Variants in CYP4V2 observed in about 807,000 individuals in gnomAD.
CYP4V2 encodes the protein cytochrome P450 family 4 subfamily V member 2.
CYP4V2 carries 55 observed loss-of-function variants against 60.8 expected under a neutral mutation model. That is an observed-to-expected ratio of 0.90 (90% CI 0.73 to 1.13). The LOEUF (loss-of-function observed/expected upper bound fraction) is 1.13. Ranked by LOEUF, CYP4V2 falls within the 50% of genes most tolerant of loss-of-function variation. CYP4V2 has a pLI of 0.00. For missense variants in CYP4V2, 675 were observed against 662.9 expected (o/e 1.02, Z -0.20); for synonymous variants, 239 against 236.8 (o/e 1.01, Z -0.08).
At position 186,196,939 on chromosome 4, in the gene CYP4V2, G is replaced by A. The variant is rs767779208; in HGVS notation, c.414-1G>A. On this transcript the variant is annotated splice_acceptor_variant, in intron 3 of 10. Transcript: ENST00000378802. LOFTEE classifies it high-confidence loss of function. ...TTTGTAACCACATATTTTATTTCTA[G>A]TACTGGAAACAAATGGCGCTCCAGG... 7.2e-5 allele frequency: 116 copies of A among 1,612,158 alleles called. No individual in the cohort carries two copies. Among genetic ancestry groups the A allele is most frequent in the Non-Finnish European group, 2.7e-5 (32 of 1,179,850 alleles).
intron 7 of CYP4V2, chr4:186,202,074 G>C (rs1302988550): frequency 1.3e-5 from 2 of 152,260 alleles, no homozygotes; most frequent in African/African-American, 4.8e-5. Flanking sequence ...CTGCACTCTG[G>C]TGTGAGGCTC....
chr4:186,211,093 C>T lies in CYP4V2; in HGVS notation c.*452C>T, dbSNP rs564129543. 2.4e-4 allele frequency: 40 copies of T among 170,122 alleles called. No homozygotes were observed. The highest frequency in any genetic ancestry group is 5.3e-4 in the Admixed American group (9 of 17,120). The allele number at this position is 170,122 out of a possible 1,614,324, so 10.5% of individuals were successfully genotyped here. A position where few individuals can be genotyped will look rare whatever the true frequency, so the allele number is the denominator to read the frequency against. ...ACCTCAAGTGATCCACCTGCCTCAG[C>T]CTCCCAAAGTGCTGGGATTATAGTC... On this transcript the variant is annotated 3_prime_UTR_variant, in exon 11 of 11. Transcript: ENST00000378802.
At chr4:186,203,077 CAT>C (rs66502037) in intron 7 of CYP4V2, 55,874 of 130,744 alleles carry the variant, frequency 0.43, 10,551 homozygotes, top group Non-Finnish European at 0.49. Context: ...CACATGCACA[CAT>C]AAATGCACAC....
rs563327906 is a variant in CYP4V2, at chr4:186,205,606, T to A, written c.1090+304T>A. 1.7e-4 allele frequency among the ~76,000 whole-genome samples: 26 copies of A among 152,316 alleles called. No homozygotes were observed. The East Asian group carries it at 4.8e-3, about 28-fold the overall frequency. On this transcript the variant is annotated intron_variant, in intron 8 of 10. Transcript: ENST00000378802. ...TGCATTTGAGTGAAGAAGGTGCTAT[T>A]TGGGAGAAAGGAGGAGCTGGTGAAA...
rs1039045724 is a variant in CYP4V2 at position 186,191,755 on chromosome 4, C to T, written c.-69C>T. On this transcript the variant is annotated 5_prime_UTR_variant, in exon 1 of 11. Coordinates refer to ENST00000378802, the MANE Select transcript of CYP4V2 (RefSeq NM_207352.4). ...GGAAGTGGGCGGTGTGCGGCCGGCA[C>T]CGCCTCGCACCACGCCCCCGCGGGC... 93 of 1,328,196 alleles carry T rather than the reference C, an allele frequency of 7.0e-5. 1 individual carries two copies. Among genetic ancestry groups the T allele is most frequent in the Non-Finnish European group, 8.8e-5 (91 of 1,038,288 alleles). 82.3% of individuals were successfully genotyped at this position (1,328,196 alleles called of 1,614,324 possible).
Position 186,212,993 on chromosome 4 carries a change from A to T in CYP4V2, c.*2352A>T, listed in dbSNP as rs1406351039. The stretch of plus-strand genomic sequence containing the variant: ...CCTTCCAAGATGATTTTGGATAATA[A>T]AAGTTGTATTTGTGGAAATTGGTAT... On this transcript the variant is annotated 3_prime_UTR_variant, in exon 11 of 11. Coordinates refer to ENST00000378802, the MANE Select transcript of CYP4V2 (RefSeq NM_207352.4). 1 of 152,218 alleles carries T rather than the reference A, an allele frequency of 6.6e-6. No individual in the cohort carries two copies. Among genetic ancestry groups the T allele is most frequent in the Non-Finnish European group, 1.5e-5 (1 of 68,032 alleles). 9.4% of individuals were successfully genotyped at this position (152,218 alleles called of 1,614,324 possible). A position where few individuals can be genotyped will look rare whatever the true frequency, so the allele number is the denominator to read the frequency against.
At position 186,197,609 on chromosome 4, in the gene CYP4V2, G is replaced by T; in HGVS notation, c.674+7G>T. On this transcript the variant is annotated splice_region_variant and intron_variant, in intron 5 of 10. Transcript: ENST00000378802. The stretch of plus-strand genomic sequence containing the variant: ...ATGTCCGTGCAGTTTATAGGTAAAT[G>T]GAGTCCTTTCAGTTATTTTAACAAT... The T allele has an allele frequency of 6.2e-7, 1 of 1,613,652 alleles. No homozygotes were observed.
rs905470813 is a variant in CYP4V2 at position 186,205,073 on chromosome 4, T to C, written c.988-127T>C. On this transcript the variant is annotated intron_variant, in intron 7 of 10. Coordinates refer to ENST00000378802, the MANE Select transcript of CYP4V2 (RefSeq NM_207352.4). The stretch of plus-strand genomic sequence containing the variant: ...ACCGAGGCAAGGTGCTGCACAGAAT[T>C]CATTTCTTATGTTTGCAGTCACAGT... 7.5e-5 allele frequency: 67 copies of C among 897,856 alleles called. No homozygotes were observed. The African/African-American group carries it at 9.6e-4, about 13-fold the overall frequency. 55.6% of individuals were successfully genotyped at this position (897,856 alleles called of 1,614,324 possible). A position where few individuals can be genotyped will look rare whatever the true frequency, so the allele number is the denominator to read the frequency against.
At chr4:186,196,607 T>C in intron 3 of CYP4V2, 1 of 311,088 alleles carries the variant, frequency 3.2e-6, no homozygotes, top group South Asian at 3.6e-5. Context: ...GACTGAGGTA[T>C]TGATGGAAGG....
chr4:186,196,673 A>T (rs1736153568), intron 3 of CYP4V2: 1 of 409,390 alleles, frequency 2.4e-6, no homozygotes, highest in Non-Finnish European at 4.3e-6. Context: ...AAATTCTTAA[A>T]TTTTTCAATT....
chr4:186,192,999 A>G (rs565426815), intron 1 of CYP4V2, among the ~76,000 whole-genome samples: 2 of 152,202 alleles, frequency 1.3e-5, no homozygotes, highest in Non-Finnish European at 2.9e-5. Flanking sequence ...TCAACTTCAC[A>G]AGATGAGGCC....
In CYP4V2 at chr4:186,191,863, C is replaced by G. The variant is rs763159414; in HGVS notation, c.40C>G (p.Leu14Val). 8.8e-6 allele frequency: 14 copies of G among 1,585,232 alleles called. No homozygotes were observed. In the African/African-American group the frequency reaches 1.5e-4, roughly 17 times the overall value. ...LWLGLVWQKL[L>V]LWGAASALSL... Reference sequence around the variant, plus strand: ...GCTGGGGCTCGTGTGGCAGAAGCTGCTGCTGTGGGGCGCGGCGAGTGCCCT... The same window carrying G: ...GCTGGGGCTCGTGTGGCAGAAGCTGGTGCTGTGGGGCGCGGCGAGTGCCCT... The change falls in exon 1 of 11, where the codon CTG becomes GTG. Residue 14 changes from leucine (L) to valine (V), a missense_variant. Transcript: ENST00000378802.
chr4:186,201,276 T>C lies in CYP4V2; in HGVS notation c.921T>C (p.Thr307=). The change falls in exon 7 of 11, where the codon ACT becomes ACC. Residue 307 remains threonine (T), a synonymous_variant. Transcript: ENST00000378802. ...TTCTTGACTTGCTTTTAAGTGTGAC[T>C]GATGACGAAGGGAACAGGCTAAGTC... The part of the protein sequence containing the change: ...RAFLDLLLSV[T]DDEGNRLSHE... The C allele has an allele frequency of 6.2e-7, 1 of 1,614,168 alleles. No individual in the cohort carries two copies. Among genetic ancestry groups the C allele is most frequent in the Non-Finnish European group, 8.5e-7 (1 of 1,180,042 alleles).
At chr4:186,207,538 TAATATATAA>T (rs1484334677) in intron 8 of CYP4V2, among the ~76,000 whole-genome samples, 4 of 147,604 alleles carry the variant, frequency 2.7e-5, no homozygotes, top group South Asian at 2.1e-4. Context: ...AAAAATTATA[TAATATATAA>T]AATATATTAA....
At chr4:186,204,396 AAG>A (rs59350227) in intron 7 of CYP4V2, 39,918 of 104,624 alleles carry the variant, frequency 0.38, 10,583 homozygotes, top group African/African-American at 0.49. Flanking sequence ...ACGCTGGCGT[AAG>A]AGGTGGCGGT....
intron 5 of CYP4V2, among the ~76,000 whole-genome samples, chr4:186,198,037 C>A (rs1286374556): frequency 6.6e-6 from 1 of 152,020 alleles, no homozygotes; most frequent in African/African-American, 2.4e-5. Context: ...ATTCTTCTTC[C>A]CATATTTTCT....
intron 10 of CYP4V2, 66 bp downstream of exon 10, chr4:186,209,338 T>C: frequency 1.9e-6 from 3 of 1,590,480 alleles, no homozygotes; most frequent in Admixed American, 1.7e-5. Flanking sequence ...TCACAGTGAT[T>C]TCTTTGAGAT....
rs1469979598 is a variant in CYP4V2, at chr4:186,211,136, G to C, written c.*495G>C. 6.3e-6 allele frequency: 1 copy of C among 157,556 alleles called. No individual in the cohort carries two copies. Among genetic ancestry groups the C allele is most frequent in the African/African-American group, 2.4e-5 (1 of 41,422 alleles). 9.8% of individuals were successfully genotyped at this position (157,556 alleles called of 1,614,324 possible). ...TTATAGTCGTGAGCCACCACGCCTG[G>C]CCAGAGTTTTTTATTTTTATCACCA... On this transcript the variant is annotated 3_prime_UTR_variant, in exon 11 of 11. Transcript: ENST00000378802.
intron 5 of CYP4V2, 25 bp downstream of exon 5, chr4:186,197,627 T>A (rs1736192302): frequency 6.2e-7 from 1 of 1,606,068 alleles, no homozygotes; most frequent in African/African-American, 1.3e-5. Flanking sequence ...TTCAGTTATT[T>A]TAACAATTAT....
Sources: gnomAD v4.1 joint callset for allele counts (sites outside exome capture counted in the v4.1 genomes callset) on GRCh38, gnomAD v4.1.1 for gene constraint, MANE v1.5 for transcripts, NCBI Gene and HGNC (gene_info 2026-07-23, HGNC 2026-07-21) for gene names.